BEAN1: variants seen among roughly 807,000 people sequenced by gnomAD.
The protein encoded by BEAN1 is protein BEAN1.
Under a neutral mutation model 17.7 loss-of-function variants are expected in BEAN1, and 17 were observed. The observed-to-expected ratio is 0.96, with a 90% CI of 0.66 to 1.44. The LOEUF (loss-of-function observed/expected upper bound fraction) is 1.44, where lower values mean the gene tolerates loss of function less well. Among genes scored for constraint, BEAN1 ranks in the 40% most tolerant of loss-of-function variants. The pLI, the probability that BEAN1 is intolerant of heterozygous loss-of-function variation, is 0.00. For synonymous variants in BEAN1, 142 were observed against 151.8 expected, an observed-to-expected ratio of 0.94 and a Z score of 0.47; for missense variants, 359 against 374.1, an observed-to-expected ratio of 0.96 and a Z score of 0.33.
intron 2 of BEAN1, among the ~76,000 whole-genome samples, chr16:66,445,330 G>C (rs760764754): frequency 6.6e-6 from 1 of 151,804 alleles, no homozygotes; most frequent in Non-Finnish European, 1.5e-5. Context: ...CAAAAAATTA[G>C]CCGGGCGTGG....
At chr16:66,457,744 G>A (rs1174305356) in intron 2 of BEAN1, among the ~76,000 whole-genome samples, 1 of 151,224 alleles carries the variant, frequency 6.6e-6, no homozygotes, top group Non-Finnish European at 1.5e-5. Context: ...GTCTCCTGGT[G>A]ACCAGAGGAC....
intron 2 of BEAN1, among the ~76,000 whole-genome samples, chr16:66,440,753 C>T (rs1482922572): frequency 1.3e-5 from 2 of 152,248 alleles, no homozygotes; most frequent in Non-Finnish European, 2.9e-5. Context: ...TTCCTTCTTC[C>T]TCCTGCTGTC....
rs1406403276 is a variant in BEAN1 at position 66,471,326 on chromosome 16, A to C, written c.289+1461A>C. On this transcript the variant is annotated intron_variant, in intron 3 of 4. Coordinates refer to ENST00000536005, the MANE Select transcript of BEAN1 (RefSeq NM_001178020.3). The surrounding 1 kb of genome is among the most constrained non-coding windows in gnomAD (Gnocchi z 4.7). ...TGGGTGCCTGGCGCTGTCTGTGCAC[A>C]TAATCTCACTGCAAAATCCTCACCA... 1.3e-5 allele frequency among the ~76,000 whole-genome samples: 2 copies of C among 152,316 alleles called. No individual in the cohort carries two copies. The highest frequency in any genetic ancestry group is 3.9e-4 in the East Asian group (2 of 5,170).
intron 2 of BEAN1, among the ~76,000 whole-genome samples, chr16:66,465,307 G>A (rs1308607914): frequency 6.6e-6 from 1 of 151,844 alleles, no homozygotes; most frequent in East Asian, 1.9e-4. Context: ...ATTTTGTTGG[G>A]GATTTTTGCA....
chr16:66,474,895 G>A (rs187499578), intron 3 of BEAN1, among the ~76,000 whole-genome samples: 3 of 152,168 alleles, frequency 2.0e-5, no homozygotes, highest in African/African-American at 7.2e-5. Flanking sequence ...CTTCACTCTC[G>A]GTCTCTTCAT....
intron 2 of BEAN1, among the ~76,000 whole-genome samples, chr16:66,446,917 T>C (rs1962477300): frequency 6.6e-6 from 1 of 152,164 alleles, no homozygotes; most frequent in African/African-American, 2.4e-5. Flanking sequence ...TGGGAAAGCC[T>C]GGTTGTCCTC....
intron 2 of BEAN1, among the ~76,000 whole-genome samples, chr16:66,451,673 T>A (rs1962678763): frequency 6.6e-6 from 1 of 152,198 alleles, no homozygotes; most frequent in Non-Finnish European, 1.5e-5. Flanking sequence ...TTGCTTTGAT[T>A]AGCTCATAGC....
rs190538153 is a variant in BEAN1, at chr16:66,438,257, G to C, written c.25+556G>C. 9.5e-4 allele frequency among the ~76,000 whole-genome samples: 145 copies of C among 152,186 alleles called. 1 individual carries two copies. Among genetic ancestry groups the C allele is most frequent in the South Asian group, 3.7e-3 (18 of 4,802 alleles). On this transcript the variant is annotated intron_variant, in intron 2 of 4. Transcript: ENST00000536005. ...ACATTAGCTGGGCATGGTGGTGGGC[G>C]CCTGTAATCCCAGCTACTCAGGAAG...
chr16:66,479,513 C>T (rs528098621), intron 4 of BEAN1, among the ~76,000 whole-genome samples: 5 of 152,056 alleles, frequency 3.3e-5, no homozygotes, highest in Admixed American at 1.3e-4. Flanking sequence ...GGTGGGGGCA[C>T]GACTACGAAG....
chr16:66,444,856 G>C (rs1259735669), intron 2 of BEAN1, among the ~76,000 whole-genome samples: 1 of 152,192 alleles, frequency 6.6e-6, no homozygotes, highest in African/African-American at 2.4e-5. Flanking sequence ...CCGCCCTCCA[G>C]TTCAAGCTGG....
chr16:66,481,208 C>T lies in BEAN1; in HGVS notation c.*283C>T, dbSNP rs1304798663. The T allele has an allele frequency of 1.7e-5, 7 of 408,956 alleles. No homozygotes were observed. The highest frequency in any genetic ancestry group is 3.0e-5 in the Non-Finnish European group (7 of 232,480). 25.3% of individuals were successfully genotyped at this position (408,956 alleles called of 1,614,324 possible). A position where few individuals can be genotyped will look rare whatever the true frequency, so the allele number is the denominator to read the frequency against. ...CGTGGAGCTCTCCTGGCCTCCCGTC[C>T]CTCCTCCCGGCCTGTTTGTTGTGCC... On this transcript the variant is annotated 3_prime_UTR_variant, in exon 5 of 5. Transcript: ENST00000536005. The surrounding 1 kb of genome is among the most constrained non-coding windows in gnomAD (Gnocchi z 4.1).
At chr16:66,442,711 C>A (rs1427281972) in intron 2 of BEAN1, among the ~76,000 whole-genome samples, 1 of 152,204 alleles carries the variant, frequency 6.6e-6, no homozygotes. Context: ...ATGGGAATAA[C>A]AATAGCACCC....
intron 2 of BEAN1, among the ~76,000 whole-genome samples, chr16:66,466,533 T>G (rs1356844924): frequency 6.6e-6 from 1 of 152,216 alleles, no homozygotes; most frequent in Non-Finnish European, 1.5e-5. Flanking sequence ...CTCTAAACAC[T>G]GCATTAGCTG....
At position 66,471,498 on chromosome 16, in the gene BEAN1, G is replaced by A. The variant is rs1366346684; in HGVS notation, c.289+1633G>A. On this transcript the variant is annotated intron_variant, in intron 3 of 4. Coordinates refer to ENST00000536005, the MANE Select transcript of BEAN1 (RefSeq NM_001178020.3). The surrounding 1 kb of genome is among the most constrained non-coding windows in gnomAD (Gnocchi z 4.7). ...AGCCGCCCCGTGGGCTCAAGGCAGT[G>A]TCCGGCAGACACGTACATGGCCACA... is the stretch of plus-strand genomic sequence containing the variant. 6.6e-6 allele frequency among the ~76,000 whole-genome samples: 1 copy of A among 152,240 alleles called. No individual in the cohort carries two copies. The highest frequency in any genetic ancestry group is 1.5e-5 in the Non-Finnish European group (1 of 68,038).
chr16:66,455,889 A>G (rs1335089631), intron 2 of BEAN1, among the ~76,000 whole-genome samples: 3 of 152,210 alleles, frequency 2.0e-5, no homozygotes, highest in Non-Finnish European at 2.9e-5. Flanking sequence ...ATTTCACCAT[A>G]TTGCCCAGGG....
At chr16:66,459,442 C>G (rs539675022) in intron 2 of BEAN1, among the ~76,000 whole-genome samples, 1 of 152,274 alleles carries the variant, frequency 6.6e-6, no homozygotes, top group South Asian at 2.1e-4. Flanking sequence ...GCCTCAGCTT[C>G]CCGAGTAGCT....
At chr16:66,485,912 AC>A (rs1339270088), downstream of BEAN1, 1 of 152,216 alleles carries the variant, frequency 6.6e-6, no homozygotes, top group Non-Finnish European at 1.5e-5. Flanking sequence ...CAGAAACCCA[AC>A]TTGAATCTTC....
At chr16:66,476,097 G>C (rs1963732236) in intron 3 of BEAN1, among the ~76,000 whole-genome samples, 1 of 143,462 alleles carries the variant, frequency 7.0e-6, no homozygotes, top group African/African-American at 2.6e-5. Context: ...GCGACAGTGA[G>C]AGACTCCGTC....
In BEAN1 at chr16:66,434,156, G is replaced by A. The variant is rs534883564; in HGVS notation, c.-82-3439G>A. Among the ~76,000 whole-genome samples, 19 of 152,272 alleles carry A rather than the reference G, an allele frequency of 1.2e-4. No individual in the cohort carries two copies. The highest frequency in any genetic ancestry group is 3.9e-4 in the Admixed American group (6 of 15,302). On this transcript the variant is annotated intron_variant, in intron 1 of 4. Coordinates refer to ENST00000536005, the MANE Select transcript of BEAN1 (RefSeq NM_001178020.3). The surrounding 1 kb of genome is among the most constrained non-coding windows in gnomAD (Gnocchi z 4.3). The stretch of plus-strand genomic sequence containing the variant: ...TCGCATGCTGGGCTCAAAGAGAGGC[G>A]GGCAGGGGAAGAGGTGACCACGCTT...
Sources: allele counts gnomAD v4.1 joint callset (sites outside exome capture counted in the v4.1 genomes callset), GRCh38; gene constraint gnomAD v4.1.1; non-coding constraint Gnocchi (gnomAD v3.1); transcripts MANE v1.5; gene names NCBI Gene and HGNC (gene_info 2026-07-23, HGNC 2026-07-21).